TNR: variants seen among roughly 807,000 people sequenced by gnomAD.
TNR encodes the protein tenascin R.
Under a neutral mutation model 150.4 loss-of-function variants are expected in TNR, and 45 were observed. The ratio of observed to expected loss-of-function variants is 0.30; its 90% CI spans 0.24 to 0.38. The LOEUF is 0.38. Among genes scored for constraint, TNR ranks in the 10% least tolerant of loss-of-function variants. The probability of loss-of-function intolerance (pLI) is 1.00; values close to 1 mark genes in which losing one functional copy is unlikely to be tolerated. For synonymous variants in TNR, 687 were observed against 678.4 expected (o/e 1.01, Z -0.20); for missense variants, 1,544 against 1,759.1 (o/e 0.88, Z 2.19).
intron 1 of TNR, among the ~76,000 whole-genome samples, chr1:175,584,939 C>T (rs998297697): frequency 6.6e-6 from 1 of 152,210 alleles, no homozygotes; most frequent in Non-Finnish European, 1.5e-5. Context: ...GCTTTGGTGT[C>T]TCCTCCACAA....
At chr1:175,733,986 T>C (rs941586482) in intron 1 of TNR, among the ~76,000 whole-genome samples, 4 of 152,216 alleles carry the variant, frequency 2.6e-5, no homozygotes, top group Non-Finnish European at 5.9e-5. Context: ...CTATCTTATT[T>C]GGTCAGCCAA....
intron 2 of TNR, among the ~76,000 whole-genome samples, chr1:175,523,859 A>G (rs1303783648): frequency 6.6e-6 from 1 of 152,142 alleles, no homozygotes. Context: ...CAAAGTCTAA[A>G]TGTCTGTCAT....
At chr1:175,347,054 T>C (rs1650827578) in intron 18 of TNR, among the ~76,000 whole-genome samples, 1 of 152,122 alleles carries the variant, frequency 6.6e-6, no homozygotes. Context: ...TGACTGTAGA[T>C]GTGAAAAGTC....
At chr1:175,369,786 T>A (rs183843639) in intron 9 of TNR, among the ~76,000 whole-genome samples, 4 of 152,310 alleles carry the variant, frequency 2.6e-5, no homozygotes, top group Non-Finnish European at 5.9e-5. Context: ...TGATCGGAAA[T>A]ACTTTGAGCA....
At chr1:175,698,770 G>T (rs1204446780) in intron 1 of TNR, among the ~76,000 whole-genome samples, 1 of 152,032 alleles carries the variant, frequency 6.6e-6, no homozygotes. Context: ...GGGAGTTGGA[G>T]GTTGCAGTGA....
intron 2 of TNR, among the ~76,000 whole-genome samples, chr1:175,516,788 T>A (rs1304654010): frequency 2.0e-5 from 3 of 152,196 alleles, no homozygotes; most frequent in Non-Finnish European, 4.4e-5. Context: ...TATTATTTTG[T>A]TCAGAAATTG....
At chr1:175,680,854 G>A (rs569297186) in intron 1 of TNR, among the ~76,000 whole-genome samples, 1 of 152,276 alleles carries the variant, frequency 6.6e-6, no homozygotes, top group East Asian at 1.9e-4. Context: ...CACTTTATGT[G>A]GTATTCAGAG....
intron 2 of TNR, among the ~76,000 whole-genome samples, chr1:175,474,180 A>G (rs1007344843): frequency 1.3e-5 from 2 of 152,154 alleles, no homozygotes; most frequent in Non-Finnish European, 2.9e-5. Flanking sequence ...GACACCAGTT[A>G]TGGGCTAAAT....
At chr1:175,367,162 C>T (rs1651880728) in intron 10 of TNR, 46 bp downstream of exon 10, 2 of 1,586,626 alleles carry the variant, frequency 1.3e-6, no homozygotes, top group Admixed American at 3.3e-5. Context: ...ACTCCTTAGG[C>T]TTATAGGCTA....
rs928767063 is a variant in TNR at position 175,317,576 on chromosome 1, C to G, written c.*5781G>C. 8.5e-5 allele frequency: 13 copies of G among 152,222 alleles called. No individual in the cohort carries two copies. Among genetic ancestry groups the G allele is most frequent in the African/African-American group, 3.1e-4 (13 of 41,446 alleles). 9.4% of individuals were successfully genotyped at this position (152,222 alleles called of 1,614,324 possible). On this transcript the variant is annotated 3_prime_UTR_variant, in exon 23 of 23. Transcript: ENST00000367674. ...CTGACAGTGCATCTGGACTGAAACC[C>G]TTTCTTGTGACCTAGGTGTTCTAGA...
intron 2 of TNR, among the ~76,000 whole-genome samples, chr1:175,465,809 C>G (rs1272439432): frequency 2.6e-5 from 4 of 152,206 alleles, no homozygotes; most frequent in Non-Finnish European, 5.9e-5. Context: ...CACACTCACT[C>G]TAGCTCAGGT....
At position 175,366,078 on chromosome 1, in the gene TNR, A is replaced by G. The variant is rs1355597180; in HGVS notation, c.2114T>C (p.Ile705Thr). 2 of 1,613,830 alleles carry G rather than the reference A, an allele frequency of 1.2e-6. No individual in the cohort carries two copies. Among genetic ancestry groups the G allele is most frequent in the African/African-American group, 2.7e-5 (2 of 74,908 alleles). The change falls in exon 11 of 23, where the codon ATC becomes ACC. Residue 705 changes from isoleucine to threonine, a missense_variant. Physicochemically the swap from Ile to Thr is moderately conservative, Grantham distance 89. Around this residue, in one of 2 missense-constraint regions of TNR, gnomAD observed 1,254 missense variants for 1,329.4 expected, o/e 0.94. Transcript: ENST00000367674. ...TASSETSISL[I>T]WTKASGPIDH... is the part of the protein sequence containing the mutation. ...AATGGGGCCACTGGCCTTGGTCCAG[A>G]TGAGGGAGATGGAGGTCTCCGAGGA...
chr1:175,453,039 G>A (rs769180191), intron 2 of TNR, among the ~76,000 whole-genome samples: 2 of 152,046 alleles, frequency 1.3e-5, no homozygotes, highest in African/African-American at 4.8e-5. Flanking sequence ...TGGTGGTCAC[G>A]GTGGTACAAC....
At position 175,741,662 on chromosome 1, in the gene TNR, C is replaced by T. The variant is rs145832801; in HGVS notation, c.-165+1564G>A. Among the ~76,000 whole-genome samples, 432 of 152,276 alleles carry T rather than the reference C, an allele frequency of 2.8e-3. 3 individuals are homozygous for T. Among genetic ancestry groups the T allele is most frequent in the Non-Finnish European group, 5.0e-3 (339 of 68,028 alleles). ...TACTTCCTGCCACTCTAGGGAGATG[C>T]TAAGATTTCTGGATCCAATGCCAAG... On this transcript the variant is annotated intron_variant, in intron 1 of 22. Coordinates refer to ENST00000367674, the MANE Select transcript of TNR (RefSeq NM_003285.3).
chr1:175,619,251 A>G (rs1314728720), intron 1 of TNR, among the ~76,000 whole-genome samples: 5 of 152,200 alleles, frequency 3.3e-5, no homozygotes, highest in Non-Finnish European at 5.9e-5. Flanking sequence ...GCAATGGACC[A>G]TGAGAGCATT....
At chr1:175,619,256 A>T (rs1449898092) in intron 1 of TNR, among the ~76,000 whole-genome samples, 1 of 152,194 alleles carries the variant, frequency 6.6e-6, no homozygotes, top group African/African-American at 2.4e-5. Flanking sequence ...GGACCATGAG[A>T]GCATTGTCCA....
intron 2 of TNR, among the ~76,000 whole-genome samples, chr1:175,526,122 C>T (rs1399602995): frequency 2.0e-5 from 3 of 151,682 alleles, no homozygotes; most frequent in Admixed American, 2.0e-4. Context: ...TGTGTTTTTC[C>T]TTTTTGGGAG....
intron 1 of TNR, among the ~76,000 whole-genome samples, chr1:175,669,564 C>T (rs1033788476): frequency 1.3e-5 from 2 of 152,128 alleles, no homozygotes; most frequent in South Asian, 4.1e-4. Context: ...ATGCAATTAC[C>T]CAGATGGATC....
chr1:175,610,671 C>T (rs1343996502), intron 1 of TNR, among the ~76,000 whole-genome samples: 1 of 152,190 alleles, frequency 6.6e-6, no homozygotes, highest in African/African-American at 2.4e-5. Flanking sequence ...TTTGCCTGTC[C>T]CTTGAGATGC....
Sources: gnomAD v4.1 joint callset for allele counts (sites outside exome capture counted in the v4.1 genomes callset) on GRCh38, gnomAD v4.1.1 for gene constraint, gnomAD v4.1.1 regional missense constraint, MANE v1.5 for transcripts, NCBI Gene and HGNC (gene_info 2026-07-23, HGNC 2026-07-21) for gene names.